Variants in EXOC6 observed in about 807,000 individuals in gnomAD.
EXOC6 encodes the protein SEC15-like 1.
Under a neutral mutation model 112.5 loss-of-function variants are expected in EXOC6, and 60 were observed. That is an observed-to-expected ratio of 0.53 (90% CI 0.43 to 0.66). EXOC6 has a LOEUF of 0.66. EXOC6 is among the 30% of genes least tolerant of loss of function. The pLI is 0.00. For missense variants in EXOC6, 855 were observed against 957.1 expected (o/e 0.89, Z 1.41); for synonymous variants, 295 against 308.0 (o/e 0.96, Z 0.44).
At chr10:93,032,562 A>G (rs1047962647) in intron 20 of EXOC6, among the ~76,000 whole-genome samples, 4 of 152,202 alleles carry the variant, frequency 2.6e-5, no homozygotes, top group Admixed American at 2.6e-4. Flanking sequence ...AAAGCTGTCC[A>G]GATTAAGCCA....
chr10:92,890,686 C>T (rs979854226), intron 1 of EXOC6, among the ~76,000 whole-genome samples: 2 of 151,940 alleles, frequency 1.3e-5, no homozygotes, highest in African/African-American at 2.4e-5. Context: ...GCCTATCTAT[C>T]TCTGTGTCTG....
chr10:93,018,342 T>C (rs1844635588), intron 20 of EXOC6, among the ~76,000 whole-genome samples: 1 of 152,182 alleles, frequency 6.6e-6, no homozygotes, highest in Non-Finnish European at 1.5e-5. Flanking sequence ...TAAAATATTA[T>C]AGGTAAAATG....
intron 20 of EXOC6, among the ~76,000 whole-genome samples, chr10:93,015,326 T>C (rs1298349448): frequency 6.6e-6 from 1 of 152,216 alleles, no homozygotes; most frequent in Non-Finnish European, 1.5e-5. Flanking sequence ...TATTATATAT[T>C]CATTATTTGC....
intron 18 of EXOC6, among the ~76,000 whole-genome samples, chr10:92,978,665 C>T (rs1044276322): frequency 6.6e-6 from 1 of 152,136 alleles, no homozygotes; most frequent in African/African-American, 2.4e-5. Flanking sequence ...TGAAGTATGG[C>T]ATTACATTAA....
chr10:92,906,638 A>G (rs1045951172), intron 5 of EXOC6, among the ~76,000 whole-genome samples: 1 of 152,218 alleles, frequency 6.6e-6, no homozygotes, highest in African/African-American at 2.4e-5. Context: ...CATTCCAACT[A>G]TAAGGACATC....
chr10:93,039,937 A>C (rs1032344583), intron 20 of EXOC6, among the ~76,000 whole-genome samples: 1 of 152,134 alleles, frequency 6.6e-6, no homozygotes, highest in Non-Finnish European at 1.5e-5. Flanking sequence ...GCATTCTTTC[A>C]TGGCTACACG....
intron 12 of EXOC6, among the ~76,000 whole-genome samples, chr10:92,940,149 G>A (rs1852575165): frequency 6.6e-6 from 1 of 152,160 alleles, no homozygotes. Context: ...CAAAGATGGA[G>A]AGAGAAACCT....
intron 20 of EXOC6, among the ~76,000 whole-genome samples, chr10:93,048,114 T>A (rs1429603004): frequency 6.6e-6 from 1 of 152,194 alleles, no homozygotes; most frequent in Non-Finnish European, 1.5e-5. Flanking sequence ...CATGCCTGTG[T>A]GTTTCTGTGT....
At chr10:92,873,167 AAG>A (rs1483655150) in intron 1 of EXOC6, among the ~76,000 whole-genome samples, 1 of 152,152 alleles carries the variant, frequency 6.6e-6, no homozygotes, top group African/African-American at 2.4e-5. Flanking sequence ...AGTCAACAGG[AAG>A]AGATACCTCT....
In EXOC6 at chr10:92,915,804, A is replaced by C; in HGVS notation, c.710A>C (p.Lys237Thr). The change falls in exon 7 of 22, where the codon AAA (lysine) becomes ACA (threonine). Residue 237 changes from lysine to threonine, a missense_variant. Around this residue, in one of 2 missense-constraint regions of EXOC6, gnomAD observed 405 missense variants for 393.6 expected, o/e 1.03. Coordinates refer to ENST00000260762, the MANE Select transcript of EXOC6 (RefSeq NM_019053.6). ...TFSVSLQKQNKMKFGKNMYIN... is the reference protein window; with the variant it reads ...TFSVSLQKQNTMKFGKNMYIN... ...AGTGTTTCTCTGCAGAAACAAAATAAAATGAAATTTGGGAAAAATATGTAT... is the reference window on the plus strand; with the variant it reads ...AGTGTTTCTCTGCAGAAACAAAATACAATGAAATTTGGGAAAAATATGTAT... 6.5e-7 allele frequency: 1 copy of C among 1,537,226 alleles called. No individual in the cohort carries two copies. The highest frequency in any genetic ancestry group is 8.7e-7 in the Non-Finnish European group (1 of 1,152,702).
At chr10:92,982,987 A>T (rs897267322) in intron 18 of EXOC6, among the ~76,000 whole-genome samples, 1 of 152,240 alleles carries the variant, frequency 6.6e-6, no homozygotes, top group African/African-American at 2.4e-5. Context: ...ATAAAGATAC[A>T]TTATTTGGAT....
chr10:93,000,079 T>C (rs980829193), intron 19 of EXOC6, among the ~76,000 whole-genome samples: 1 of 152,206 alleles, frequency 6.6e-6, no homozygotes, highest in African/African-American at 2.4e-5. Context: ...TAATATAACG[T>C]TCATTACTAT....
intron 19 of EXOC6, among the ~76,000 whole-genome samples, chr10:93,012,640 C>G (rs922316587): frequency 2.0e-5 from 3 of 152,132 alleles, no homozygotes; most frequent in African/African-American, 7.2e-5. Flanking sequence ...ATATTTCACA[C>G]AGAATACACT....
intron 20 of EXOC6, 50 bp from the exon 21 acceptor site, chr10:93,056,874 A>T: frequency 9.7e-7 from 1 of 1,027,826 alleles, no homozygotes; most frequent in Non-Finnish European, 1.5e-6. Context: ...TTAAGTATTA[A>T]CTGGGTAAAT....
chr10:92,848,737 G>GA (rs1224904675), intron 1 of EXOC6, 103 bp downstream of exon 1: 10 of 949,932 alleles, frequency 1.1e-5, no homozygotes, highest in African/African-American at 8.9e-5. Context: ...GAAGCTCCCC[G>GA]ACAGGTGGTG....
intron 19 of EXOC6, among the ~76,000 whole-genome samples, chr10:92,999,680 TTTG>T (rs968322686): frequency 1.3e-5 from 2 of 151,012 alleles, no homozygotes; most frequent in African/African-American, 2.4e-5. Context: ...TTTTATTATT[TTTG>T]TTGTTAATCT....
chr10:92,906,438 G>T (rs999382498), intron 5 of EXOC6, among the ~76,000 whole-genome samples: 2 of 152,172 alleles, frequency 1.3e-5, no homozygotes, highest in East Asian at 3.8e-4. Flanking sequence ...GGCAAATGAA[G>T]TAAGAACAGT....
intron 18 of EXOC6, among the ~76,000 whole-genome samples, chr10:92,975,550 C>T (rs1416281218): frequency 1.1e-3 from 158 of 146,766 alleles, no homozygotes; most frequent in Non-Finnish European, 1.3e-3. Context: ...CCAGCCGCCC[C>T]GTCCGGGACG....
intron 20 of EXOC6, among the ~76,000 whole-genome samples, chr10:93,054,357 ATTCCTTAACCATTAAT>A (rs1846450422): frequency 1.3e-5 from 2 of 152,238 alleles, no homozygotes; most frequent in South Asian, 4.1e-4. Flanking sequence ...TTGGCAATTA[ATTCCTTAACCATTAAT>A]TTGCAAATTC....
Sources: allele counts gnomAD v4.1 joint callset (sites outside exome capture counted in the v4.1 genomes callset), GRCh38; gene constraint gnomAD v4.1.1; regional missense constraint gnomAD v4.1.1; transcripts MANE v1.5; gene names NCBI Gene and HGNC (gene_info 2026-07-23, HGNC 2026-07-21).